Variants in TTC6 observed in about 807,000 individuals in gnomAD.
The protein encoded by TTC6 is tetratricopeptide repeat protein 6.
TTC6 carries 172 observed loss-of-function variants against 210.4 expected under a neutral mutation model. That is an observed-to-expected ratio of 0.82 (90% CI 0.72 to 0.93). TTC6 has a LOEUF of 0.93. TTC6 is among the 40% of genes least tolerant of loss of function. TTC6 has a pLI of 0.00. For missense variants in TTC6, 2,414 were observed against 2,318.1 expected, an observed-to-expected ratio of 1.04 and a Z score of -0.85; for synonymous variants, 804 against 819.6, an observed-to-expected ratio of 0.98 and a Z score of 0.32.
chr14:37,607,707 C>A (rs1020503895), intron 2 of TTC6, among the ~76,000 whole-genome samples: 6 of 151,304 alleles, frequency 4.0e-5, no homozygotes, highest in Admixed American at 4.0e-4. Context: ...TAGCTCACTG[C>A]AGCCTTGGAC....
At chr14:37,781,302 C>G (rs181521594) in intron 14 of TTC6, among the ~76,000 whole-genome samples, 87 of 152,216 alleles carry the variant, frequency 5.7e-4, no homozygotes, top group African/African-American at 2.0e-3. Flanking sequence ...TGTTTCCTGA[C>G]TTTTTAATGA....
intron 15 of TTC6, 52 bp from the exon 18 acceptor site, chr14:37,790,665 C>G: frequency 7.0e-7 from 1 of 1,425,688 alleles, no homozygotes; most frequent in Non-Finnish European, 9.5e-7. Context: ...GTATAATTTA[C>G]CTATGGTTAT....
At chr14:37,671,239 G>A (rs2095757570) in intron 1 of TTC6, among the ~76,000 whole-genome samples, 1 of 152,124 alleles carries the variant, frequency 6.6e-6, no homozygotes, top group South Asian at 2.1e-4. Flanking sequence ...CTTAAGTGTT[G>A]TTATCACATG....
chr14:37,820,622 G>C (rs2096153166), intron 26 of TTC6, among the ~76,000 whole-genome samples: 1 of 152,112 alleles, frequency 6.6e-6, no homozygotes, highest in African/African-American at 2.4e-5. Flanking sequence ...ATATTACTAG[G>C]GGCATTTCAA....
intron 15 of TTC6, among the ~76,000 whole-genome samples, chr14:37,789,628 CTATG>C (rs922333178): frequency 3.7e-5 from 5 of 134,726 alleles, no homozygotes; most frequent in African/African-American, 8.9e-5. Context: ...TGTATATACT[CTATG>C]TATATTCTAT....
At chr14:37,600,458 C>G (rs1001050373) in intron 1 of TTC6, among the ~76,000 whole-genome samples, 1 of 152,118 alleles carries the variant, frequency 6.6e-6, no homozygotes, top group African/African-American at 2.4e-5. Flanking sequence ...CTTCTCCGTC[C>G]CAGGCCGGCC....
intron 12 of TTC6, among the ~76,000 whole-genome samples, chr14:37,750,510 A>T (rs979875742): frequency 6.6e-6 from 1 of 152,256 alleles, no homozygotes. Context: ...AATTTTTGTT[A>T]CTTCAAATTG....
At chr14:37,740,604 A>G (rs1957573) in intron 10 of TTC6, among the ~76,000 whole-genome samples, 95,809 of 152,058 alleles carry the variant, frequency 0.63, 31,369 homozygotes, top group East Asian at 0.89. Flanking sequence ...ATAAGTGTGA[A>G]TGACAGAGTG....
In TTC6 at chr14:37,835,010, G is replaced by A. The variant is rs144232839; in HGVS notation, c.5299-6435G>A. Among the ~76,000 whole-genome samples, 6 of 152,266 alleles carry A rather than the reference G, an allele frequency of 3.9e-5. No homozygotes were observed. The East Asian group carries it at 1.2e-3, about 29-fold the overall frequency. ...GCTGTGGTTATTTGTGGACACTGTG[G>A]TGAAGCTTTGCTGGAAATGGTGATG... On this transcript the variant is annotated intron_variant, in intron 29 of 30. Coordinates refer to ENST00000553443, the Ensembl canonical transcript of TTC6.
chr14:37,784,972 A>G (rs922250935), intron 14 of TTC6, among the ~76,000 whole-genome samples: 6 of 152,150 alleles, frequency 3.9e-5, no homozygotes, highest in Admixed American at 3.9e-4. Flanking sequence ...TGGCTTGTAG[A>G]GTTTCTGCTG....
intron 7 of TTC6, 68 bp from the exon 10 acceptor site, chr14:37,735,853 A>T: frequency 1.1e-6 from 1 of 883,136 alleles, no homozygotes; most frequent in Non-Finnish European, 1.7e-6. Context: ...ACTATGAAGT[A>T]ACAGTCATCA....
At chr14:37,828,733 AT>A (rs1278914187) in intron 29 of TTC6, among the ~76,000 whole-genome samples, 1,594 of 152,168 alleles carry the variant, frequency 0.01, 34 homozygotes, top group African/African-American at 0.036. Flanking sequence ...TGTTTTGAAT[AT>A]GTCAGGGTCA....
intron 13 of TTC6, 106 bp from the exon 16 acceptor site, chr14:37,752,993 T>C: frequency 4.5e-6 from 4 of 884,070 alleles, no homozygotes; most frequent in Non-Finnish European, 6.2e-6. Flanking sequence ...GATGGTTTGC[T>C]TTTATTAACC....
At chr14:37,735,426 T>TA (rs1288704622) in intron 7 of TTC6, among the ~76,000 whole-genome samples, 1 of 152,148 alleles carries the variant, frequency 6.6e-6, no homozygotes, top group Non-Finnish European at 1.5e-5. Context: ...AGTGGCAGTT[T>TA]ACTCTTACAA....
chr14:37,815,825 TA>T (rs2096140217), intron 25 of TTC6, among the ~76,000 whole-genome samples: 2 of 152,204 alleles, frequency 1.3e-5, no homozygotes, highest in Non-Finnish European at 2.9e-5. Context: ...TAAGTAATGC[TA>T]ATAGTCATCT....
intron 14 of TTC6, among the ~76,000 whole-genome samples, chr14:37,767,498 G>A (rs1039895018): frequency 9.9e-5 from 15 of 152,134 alleles, no homozygotes; most frequent in African/African-American, 3.1e-4. Context: ...CATTCTAACT[G>A]GTGTGAGATG....
chr14:37,683,826 C>CT (rs1164114616), intron 3 of TTC6, among the ~76,000 whole-genome samples: 1 of 151,956 alleles, frequency 6.6e-6, no homozygotes, highest in Non-Finnish European at 1.5e-5. Flanking sequence ...ATTTGAGTCA[C>CT]TTTTTTTACT....
In TTC6 at chr14:37,719,016, C is replaced by CA. The variant is rs201218407; in HGVS notation, c.1713+4228dup. ...CTGAGCTCAGTAAAGTGACAAGATA[C>CA]AAAAAAAACCATGAATAATTCATTA... is the stretch of plus-strand genomic sequence containing the variant. On this transcript the variant is annotated intron_variant, in intron 6 of 30. Coordinates refer to ENST00000553443, the Ensembl canonical transcript of TTC6. Among the ~76,000 whole-genome samples the CA allele has an allele frequency of 1.3e-4, 19 of 151,522 alleles. No individual in the cohort carries two copies. The East Asian group carries it at 1.4e-3, about 11-fold the overall frequency.
chr14:37,685,626 A>C (rs2095792213), intron 3 of TTC6, among the ~76,000 whole-genome samples: 1 of 152,204 alleles, frequency 6.6e-6, no homozygotes, highest in Admixed American at 6.5e-5. Context: ...GTGTCTTTTA[A>C]ATCTGACAGG....
Sources: allele counts gnomAD v4.1 joint callset (sites outside exome capture counted in the v4.1 genomes callset), GRCh38; gene constraint gnomAD v4.1.1; transcripts MANE v1.5; gene names NCBI Gene and HGNC (gene_info 2026-07-23, HGNC 2026-07-21).